The following WDR70 variants were observed in gnomAD, a reference collection of about 807,000 sequenced individuals.
WDR70 encodes the protein WD repeat-containing protein 70.
Under a neutral mutation model 88.6 loss-of-function variants are expected in WDR70, and 53 were observed. That is an observed-to-expected ratio of 0.60 (90% CI 0.48 to 0.75). The LOEUF (loss-of-function observed/expected upper bound fraction) is 0.75. Ranked by LOEUF, WDR70 falls within the 30% of genes least tolerant of loss-of-function variation. The pLI is 0.00. For missense variants in WDR70, 610 were observed against 823.2 expected, an observed-to-expected ratio of 0.74 and a Z score of 3.17; for synonymous variants, 280 against 270.0, an observed-to-expected ratio of 1.04 and a Z score of -0.36.
chr5:37,389,619 CG>C (rs1172021290), intron 3 of WDR70, among the ~76,000 whole-genome samples: 1 of 152,086 alleles, frequency 6.6e-6, no homozygotes, highest in Non-Finnish European at 1.5e-5. Flanking sequence ...TCCCCGTGTT[CG>C]CCAAGATGGT....
At chr5:37,486,008 C>T (rs1739856745) in intron 8 of WDR70, among the ~76,000 whole-genome samples, 1 of 151,898 alleles carries the variant, frequency 6.6e-6, no homozygotes, top group South Asian at 2.1e-4. Flanking sequence ...AGCCACTGTG[C>T]CTGGCCAACA....
intron 17 of WDR70, among the ~76,000 whole-genome samples, chr5:37,733,900 C>G (rs768647793): frequency 2.6e-5 from 4 of 151,712 alleles, no homozygotes; most frequent in African/African-American, 4.8e-5. Flanking sequence ...TTTTTACTTA[C>G]TTTATCTTTT....
At chr5:37,690,046 C>T (rs528079166) in intron 10 of WDR70, among the ~76,000 whole-genome samples, 14 of 152,168 alleles carry the variant, frequency 9.2e-5, no homozygotes, top group African/African-American at 2.9e-4. Flanking sequence ...AACCATGGCA[C>T]GAGAAGTTCA....
chr5:37,397,859 C>T (rs1437453291), intron 5 of WDR70, among the ~76,000 whole-genome samples: 5 of 151,646 alleles, frequency 3.3e-5, no homozygotes, highest in Non-Finnish European at 7.4e-5. Context: ...CAGGCGTAAT[C>T]GTGGCGCACG....
chr5:37,436,059 C>T (rs763296508), intron 5 of WDR70, among the ~76,000 whole-genome samples: 1 of 151,994 alleles, frequency 6.6e-6, no homozygotes, highest in South Asian at 2.1e-4. Flanking sequence ...CATAGAAATG[C>T]ATAAGAGGGT....
At chr5:37,653,302 G>T (rs1581467895) in intron 10 of WDR70, among the ~76,000 whole-genome samples, 4 of 152,238 alleles carry the variant, frequency 2.6e-5, no homozygotes, top group African/African-American at 2.4e-5. Context: ...ACTTGATCAT[G>T]GTGGATAAGC....
intron 5 of WDR70, among the ~76,000 whole-genome samples, chr5:37,426,288 CAA>C (rs1466256389): frequency 4.6e-5 from 7 of 152,178 alleles, no homozygotes; most frequent in Non-Finnish European, 8.8e-5. Context: ...TATTTAATGA[CAA>C]AGTGTAATTA....
At chr5:37,741,839 C>T (rs1748492012) in intron 17 of WDR70, among the ~76,000 whole-genome samples, 1 of 152,186 alleles carries the variant, frequency 6.6e-6, no homozygotes, top group Admixed American at 6.5e-5. Context: ...GTAGGTACCT[C>T]ATATAAGCGG....
At chr5:37,486,223 C>T (rs1254815845) in intron 8 of WDR70, among the ~76,000 whole-genome samples, 1 of 152,300 alleles carries the variant, frequency 6.6e-6, no homozygotes, top group African/African-American at 2.4e-5. Flanking sequence ...ATGTTTCAGA[C>T]TGCTCTATGT....
At chr5:37,665,424 T>A (rs1327826551) in intron 10 of WDR70, among the ~76,000 whole-genome samples, 1 of 152,136 alleles carries the variant, frequency 6.6e-6, no homozygotes, top group African/African-American at 2.4e-5. Flanking sequence ...AACAGCACAT[T>A]GGTAATGTTT....
At chr5:37,572,388 A>T (rs900117130) in intron 9 of WDR70, among the ~76,000 whole-genome samples, 1 of 151,872 alleles carries the variant, frequency 6.6e-6, no homozygotes, top group African/African-American at 2.4e-5. Flanking sequence ...TATTATAAAC[A>T]GTTCTGCTTA....
intron 8 of WDR70, chr5:37,506,847 C>A (rs1740575402): frequency 8.0e-7 from 1 of 1,257,350 alleles, no homozygotes; most frequent in Non-Finnish European, 1.2e-6. Context: ...GGAACAGGGT[C>A]ACCCGCCTCA....
At chr5:37,640,264 A>G (rs1431079776) in intron 10 of WDR70, among the ~76,000 whole-genome samples, 4 of 152,154 alleles carry the variant, frequency 2.6e-5, no homozygotes, top group Non-Finnish European at 5.9e-5. Context: ...TACCTGTTCC[A>G]CATATCTAAC....
At chr5:37,465,653 C>G (rs1365555145) in intron 7 of WDR70, among the ~76,000 whole-genome samples, 1 of 124,258 alleles carries the variant, frequency 8.0e-6, no homozygotes, top group African/African-American at 2.8e-5. Flanking sequence ...GACAAATTGT[C>G]ATGAGTTTTT....
At chr5:37,596,760 C>T (rs910959305) in intron 9 of WDR70, among the ~76,000 whole-genome samples, 3 of 152,146 alleles carry the variant, frequency 2.0e-5, no homozygotes, top group African/African-American at 7.2e-5. Context: ...TGGAGTCTAA[C>T]ATACTTAAAG....
chr5:37,581,483 C>A (rs1322321448), intron 9 of WDR70, among the ~76,000 whole-genome samples: 1 of 152,162 alleles, frequency 6.6e-6, no homozygotes, highest in Admixed American at 6.5e-5. Flanking sequence ...TCCTCACCCT[C>A]AATCATTTTT....
At chr5:37,446,385 A>G (rs1581285639) in intron 7 of WDR70, among the ~76,000 whole-genome samples, 1 of 152,314 alleles carries the variant, frequency 6.6e-6, no homozygotes, top group African/African-American at 2.4e-5. Flanking sequence ...TATAGATTCA[A>G]TGCCATCCCC....
chr5:37,466,717 A>G (rs77911063), intron 7 of WDR70, among the ~76,000 whole-genome samples: 1 of 151,324 alleles, frequency 6.6e-6, no homozygotes, highest in Admixed American at 6.6e-5. Context: ...AAAAAAAAAA[A>G]AAAAAAAAAA....
intron 17 of WDR70, among the ~76,000 whole-genome samples, chr5:37,731,031 C>G (rs1748129337): frequency 1.3e-5 from 2 of 152,126 alleles, no homozygotes; most frequent in African/African-American, 4.8e-5. Context: ...AGCCAAGTCC[C>G]AGGGAGGGTC....
Sources: gnomAD v4.1 joint callset for allele counts (sites outside exome capture counted in the v4.1 genomes callset) on GRCh38, gnomAD v4.1.1 for gene constraint, MANE v1.5 for transcripts, NCBI Gene and HGNC (gene_info 2026-07-23, HGNC 2026-07-21) for gene names.